Variants in RALGAPB observed in about 807,000 individuals in gnomAD.
The protein encoded by RALGAPB is ral GTPase-activating protein subunit beta.
Under a neutral mutation model 161.1 loss-of-function variants are expected in RALGAPB, and 25 were observed. That is an observed-to-expected ratio of 0.16 (90% CI 0.11 to 0.22). The LOEUF (loss-of-function observed/expected upper bound fraction) is 0.22, where lower values mean the gene tolerates loss of function less well. Ranked by LOEUF, RALGAPB falls within the 10% of genes least tolerant of loss-of-function variation. The probability of loss-of-function intolerance (pLI) is 1.00; values close to 1 mark genes in which losing one functional copy is unlikely to be tolerated. For synonymous variants in RALGAPB, 629 were observed against 626.1 expected (o/e 1.00, Z -0.07); for missense variants, 1,391 against 1,815.2 (o/e 0.77, Z 4.25).
At chr20:38,551,831 C>T (rs112488318) in intron 21 of RALGAPB, among the ~76,000 whole-genome samples, 4,373 of 152,038 alleles carry the variant, frequency 0.029, 85 homozygotes, top group Non-Finnish European at 0.044. Flanking sequence ...TTTAAGAAGT[C>T]GGGGACAGAA....
intron 13 of RALGAPB, among the ~76,000 whole-genome samples, chr20:38,528,469 C>T (rs2086541726): frequency 6.6e-6 from 1 of 151,886 alleles, no homozygotes; most frequent in Non-Finnish European, 1.5e-5. Context: ...CTCCTGGACT[C>T]AAGTGATTCT....
At chr20:38,482,426 CTTTTTTT>C (rs386393725) in intron 1 of RALGAPB, among the ~76,000 whole-genome samples, 1 of 121,386 alleles carries the variant, frequency 8.2e-6, no homozygotes, top group Non-Finnish European at 1.6e-5. Context: ...GTATGTTTAT[CTTTTTTT>C]TTTTTTTTTT....
At chr20:38,519,544 GAGTTTGTAAC>G (rs1292771220) in intron 9 of RALGAPB, among the ~76,000 whole-genome samples, 4 of 152,100 alleles carry the variant, frequency 2.6e-5, no homozygotes, top group African/African-American at 9.7e-5. Context: ...GCTCTCCAGG[GAGTTTGTAAC>G]AGCTTTGCTC....
At chr20:38,493,887 G>C (rs2085342940) in intron 3 of RALGAPB, among the ~76,000 whole-genome samples, 1 of 152,146 alleles carries the variant, frequency 6.6e-6, no homozygotes, top group Non-Finnish European at 1.5e-5. Flanking sequence ...TAGACTAGCT[G>C]TTCTGAATTC....
intron 10 of RALGAPB, among the ~76,000 whole-genome samples, chr20:38,524,376 G>C (rs970127143): frequency 6.6e-6 from 1 of 152,174 alleles, no homozygotes; most frequent in Admixed American, 6.5e-5. Flanking sequence ...AGTTCCCCCA[G>C]TTTATTGAAA....
chr20:38,499,058 A>T (rs1245600964), intron 4 of RALGAPB, among the ~76,000 whole-genome samples: 1 of 152,232 alleles, frequency 6.6e-6, no homozygotes, highest in African/African-American at 2.4e-5. Flanking sequence ...CCTACCCTGC[A>T]GAATTAATGT....
intron 1 of RALGAPB, among the ~76,000 whole-genome samples, chr20:38,475,283 A>G (rs903656518): frequency 2.6e-5 from 4 of 152,232 alleles, no homozygotes; most frequent in Non-Finnish European, 4.4e-5. Context: ...GGTCCTGTTC[A>G]CCAGGAGAGA....
intron 16 of RALGAPB, among the ~76,000 whole-genome samples, chr20:38,535,963 T>A (rs2086793476): frequency 6.6e-6 from 1 of 152,246 alleles, no homozygotes; most frequent in African/African-American, 2.4e-5. Flanking sequence ...TCATTTGTGC[T>A]TCTCTAAGTG....
intron 26 of RALGAPB, chr20:38,568,612 A>T (rs750106988): frequency 1.3e-5 from 2 of 152,204 alleles, no homozygotes; most frequent in Non-Finnish European, 2.9e-5. Context: ...TTTGCAGATG[A>T]CATGATCATG....
chr20:38,486,931 G>A (rs1345433292), intron 1 of RALGAPB, among the ~76,000 whole-genome samples: 1 of 152,090 alleles, frequency 6.6e-6, no homozygotes, highest in Non-Finnish European at 1.5e-5. Context: ...AGGAGGCAAG[G>A]TCCCCACCCA....
At chr20:38,522,101 A>C (rs902452761) in intron 10 of RALGAPB, among the ~76,000 whole-genome samples, 1 of 152,262 alleles carries the variant, frequency 6.6e-6, no homozygotes, top group African/African-American at 2.4e-5. Flanking sequence ...ATGATCCAGC[A>C]GGAATTAGGA....
chr20:38,523,303 G>A (rs1167081142), intron 10 of RALGAPB, among the ~76,000 whole-genome samples: 1 of 152,214 alleles, frequency 6.6e-6, no homozygotes, highest in East Asian at 1.9e-4. Flanking sequence ...AGTTGTGAAG[G>A]TGGGTCACAT....
rs192413399 is a variant in RALGAPB, at chr20:38,549,955, T to C, written c.3010-1116T>C. 1.2e-3 allele frequency among the ~76,000 whole-genome samples: 179 copies of C among 152,326 alleles called. 2 individuals are homozygous for C. Among genetic ancestry groups the C allele is most frequent in the African/African-American group, 4.3e-3 (177 of 41,574 alleles). ...GTGGCACATATACACCATGGAACAC[T>C]ATGCAGCCATAAAAAATGATGAGTT... On this transcript the variant is annotated intron_variant, in intron 20 of 29. Coordinates refer to ENST00000262879, the MANE Select transcript of RALGAPB (RefSeq NM_020336.4).
intron 14 of RALGAPB, among the ~76,000 whole-genome samples, chr20:38,532,251 G>A (rs2086677517): frequency 6.6e-6 from 1 of 152,286 alleles, no homozygotes; most frequent in Admixed American, 6.5e-5. Context: ...TAGAGATGGG[G>A]TTTCACTGTG....
chr20:38,490,472 T>C (rs566834384), intron 2 of RALGAPB, among the ~76,000 whole-genome samples: 1 of 151,672 alleles, frequency 6.6e-6, no homozygotes, highest in Non-Finnish European at 1.5e-5. Context: ...CCTCCCAAAG[T>C]GCTGGTATTA....
chr20:38,537,934 A>G (rs973541706), intron 16 of RALGAPB: 1 of 152,344 alleles, frequency 6.6e-6, no homozygotes, highest in Non-Finnish European at 1.5e-5. Context: ...TTCTTGGTGA[A>G]AAGAACCACC....
At chr20:38,515,964 A>G (rs192803533) in intron 6 of RALGAPB, among the ~76,000 whole-genome samples, 10 of 152,306 alleles carry the variant, frequency 6.6e-5, no homozygotes, top group Admixed American at 5.9e-4. Flanking sequence ...AATTTTTTCT[A>G]GTCTTACTTT....
chr20:38,543,522 T>C (rs2087047797), intron 18 of RALGAPB, among the ~76,000 whole-genome samples: 1 of 152,210 alleles, frequency 6.6e-6, no homozygotes, highest in Non-Finnish European at 1.5e-5. Context: ...TTGATCCTGC[T>C]GCTTGAATGA....
At chr20:38,572,646 C>T (rs2088282664) in intron 28 of RALGAPB, among the ~76,000 whole-genome samples, 1 of 152,178 alleles carries the variant, frequency 6.6e-6, no homozygotes, top group African/African-American at 2.4e-5. Flanking sequence ...TTAGCATTAT[C>T]ATTTTAAACT....
Sources: allele counts gnomAD v4.1 joint callset (sites outside exome capture counted in the v4.1 genomes callset), GRCh38; gene constraint gnomAD v4.1.1; transcripts MANE v1.5; gene names NCBI Gene and HGNC (gene_info 2026-07-23, HGNC 2026-07-21).